SCCPDH: variants seen among roughly 807,000 people sequenced by gnomAD.
The protein encoded by SCCPDH is saccharopine dehydrogenase (putative).
In SCCPDH, 34 loss-of-function variants were observed where a neutral mutation model predicts 51.5. The observed-to-expected ratio is 0.66, with a 90% confidence interval of 0.50 to 0.88. SCCPDH has a LOEUF of 0.88. Ranked by LOEUF, SCCPDH falls within the 40% of genes least tolerant of loss-of-function variation. The probability of loss-of-function intolerance (pLI) is 0.00; values close to 1 mark genes in which losing one functional copy is unlikely to be tolerated. For missense variants in SCCPDH, 464 were observed against 527.1 expected, an observed-to-expected ratio of 0.88 and a Z score of 1.17; for synonymous variants, 187 against 191.3, an observed-to-expected ratio of 0.98 and a Z score of 0.19.
chr1:246,746,383 AAC>A (rs201974963), intron 5 of SCCPDH, among the ~76,000 whole-genome samples: 148 of 152,310 alleles, frequency 9.7e-4, no homozygotes, highest in African/African-American at 3.5e-3. Flanking sequence ...ATCTATAGAT[AAC>A]ACAACCGGTC....
intron 1 of SCCPDH, among the ~76,000 whole-genome samples, chr1:246,725,825 G>C (rs926911114): frequency 1.3e-5 from 2 of 152,144 alleles, no homozygotes; most frequent in Non-Finnish European, 2.9e-5. Context: ...ATTGTGGGGG[G>C]ATATACCTTC....
At chr1:246,739,238 C>A (rs1668642927) in intron 3 of SCCPDH, among the ~76,000 whole-genome samples, 2 of 152,158 alleles carry the variant, frequency 1.3e-5, no homozygotes, top group African/African-American at 4.8e-5. Context: ...TCAGCATTAA[C>A]CCTGGTAAAT....
intron 5 of SCCPDH, among the ~76,000 whole-genome samples, chr1:246,752,575 T>C (rs1265172193): frequency 1.3e-5 from 2 of 152,228 alleles, no homozygotes; most frequent in African/African-American, 2.4e-5. Flanking sequence ...TTTAAAGGAA[T>C]AGGGTATTGC....
rs1572307099 is a variant in SCCPDH at position 246,760,347 on chromosome 1, G to C, written c.990+120G>C. On this transcript the variant is annotated intron_variant, in intron 9 of 11. Coordinates refer to ENST00000366510, the MANE Select transcript of SCCPDH (RefSeq NM_016002.3). ...TCTTTTAAGTTCTTTATGTAAATTA[G>C]ATTATTCAATCTTTTCAAACACCCC... 4 of 818,802 alleles carry C rather than the reference G, an allele frequency of 4.9e-6. No individual in the cohort carries two copies. In the East Asian group the frequency reaches 1.1e-4, roughly 22 times the overall value. The allele number at this position is 818,802 out of a possible 1,614,324, so 50.7% of individuals were successfully genotyped here.
At chr1:246,760,135 A>G (rs1668989078) in intron 8 of SCCPDH, 36 bp from the exon 9 acceptor site, 1 of 1,595,874 alleles carries the variant, frequency 6.3e-7, no homozygotes, top group African/African-American at 1.4e-5. Context: ...CATGAGTTTT[A>G]AAAAAATATC....
In SCCPDH at chr1:246,764,293, C is replaced by G. The variant is rs550596589; in HGVS notation, c.1038C>G (p.Ser346Arg). The stretch of plus-strand genomic sequence containing the variant: ...TGACATTCTTTGGTCAAGGATACAG[C>G]CAAGGCACTGGTACAGATAAGAACA... ...FTLTFFGQGY[S>R]QGTGTDKNKP... Residue 346 changes from serine to arginine, a missense_variant, in exon 10 of 12, where the codon AGC (serine) becomes AGG (arginine). By Grantham distance (110) the Ser-to-Arg change is moderately radical. Coordinates refer to ENST00000366510, the MANE Select transcript of SCCPDH (RefSeq NM_016002.3). The G allele has an allele frequency of 1.2e-6, 2 of 1,613,880 alleles. No homozygotes were observed. The highest frequency in any genetic ancestry group is 1.7e-5 in the Admixed American group (1 of 59,972).
At chr1:246,732,461 C>G (rs1320478872) in intron 2 of SCCPDH, among the ~76,000 whole-genome samples, 10 of 151,818 alleles carry the variant, frequency 6.6e-5, no homozygotes, top group Admixed American at 6.6e-4. Flanking sequence ...GATCTAGGCT[C>G]ACTGCAACCT....
chr1:246,765,807 A>G (rs1186692786), intron 10 of SCCPDH, among the ~76,000 whole-genome samples: 1 of 152,196 alleles, frequency 6.6e-6, no homozygotes, highest in Non-Finnish European at 1.5e-5. Context: ...TCTCTATGGG[A>G]TAAAAGTAAT....
intron 11 of SCCPDH, among the ~76,000 whole-genome samples, chr1:246,766,397 A>T (rs1025008797): frequency 6.6e-6 from 1 of 152,220 alleles, no homozygotes; most frequent in South Asian, 2.1e-4. Context: ...TCAGCCCTTT[A>T]TAAAGATACC....
Position 246,767,257 on chromosome 1 carries a change from A to C in SCCPDH, c.1247A>C (p.Lys416Thr), listed in dbSNP as rs1196778747. ...ACAAAGTTGATTGACAGACTCAACA[A>C]ACACGGTATTGAGTTTAGTGTTATT... ...SKTKLIDRLNKHGIEFSVISS... is the reference protein window; with the variant it reads ...SKTKLIDRLNTHGIEFSVISS... The change falls in exon 12 of 12, where the codon AAA (lysine) becomes ACA (threonine). Residue 416 changes from lysine (K) to threonine (T), a missense_variant. Coordinates refer to ENST00000366510, the MANE Select transcript of SCCPDH (RefSeq NM_016002.3). The C allele has an allele frequency of 6.2e-7, 1 of 1,611,756 alleles. No homozygotes were observed. Among genetic ancestry groups the C allele is most frequent in the Admixed American group, 1.7e-5 (1 of 59,724 alleles).
chr1:246,767,352 T>C lies in SCCPDH; in HGVS notation c.*52T>C, dbSNP rs1384877350. 1 of 1,023,864 alleles carries C rather than the reference T, an allele frequency of 9.8e-7. No individual in the cohort carries two copies. 63.4% of individuals were successfully genotyped at this position (1,023,864 alleles called of 1,614,324 possible). On this transcript the variant is annotated 3_prime_UTR_variant, in exon 12 of 12. Coordinates refer to ENST00000366510, the MANE Select transcript of SCCPDH (RefSeq NM_016002.3). ...AACGTGCGTGAATTAACAGCTTCTC[T>C]ATTTGATATTTGAAATTCTTCTGTA...
intron 9 of SCCPDH, 131 bp downstream of exon 9, chr1:246,760,358 C>G: frequency 1.4e-6 from 1 of 730,660 alleles, no homozygotes; most frequent in East Asian, 2.8e-5. Flanking sequence ...ATTATTCAAT[C>G]TTTTCAAACA....
intron 3 of SCCPDH, among the ~76,000 whole-genome samples, chr1:246,736,691 A>C (rs1668596986): frequency 6.6e-6 from 1 of 152,076 alleles, no homozygotes; most frequent in South Asian, 2.1e-4. Context: ...ACAGAGCGAG[A>C]GCGAGACTCT....
intron 3 of SCCPDH, 63 bp from the exon 4 acceptor site, chr1:246,740,107 ATT>A: frequency 7.8e-7 from 1 of 1,280,766 alleles, no homozygotes; most frequent in South Asian, 1.7e-5. Flanking sequence ...TTAAAGATAA[ATT>A]ATTTAATACT....
At chr1:246,727,933 G>C (rs1668427258) in intron 2 of SCCPDH, among the ~76,000 whole-genome samples, 1 of 152,156 alleles carries the variant, frequency 6.6e-6, no homozygotes, top group Non-Finnish European at 1.5e-5. Flanking sequence ...ATGGTTGAAA[G>C]GAAGGGCTTC....
intron 5 of SCCPDH, 76 bp from the exon 6 acceptor site, chr1:246,758,150 C>T: frequency 9.4e-7 from 1 of 1,067,244 alleles, no homozygotes. Context: ...TTGTTTGTAA[C>T]AATGATAAGT....
intron 5 of SCCPDH, among the ~76,000 whole-genome samples, chr1:246,757,227 C>T (rs953298387): frequency 1.3e-5 from 2 of 151,546 alleles, no homozygotes; most frequent in African/African-American, 2.4e-5. Context: ...ACCTGTAATC[C>T]CAGCTACTCG....
chr1:246,756,007 G>C (rs1668925363), intron 5 of SCCPDH, among the ~76,000 whole-genome samples: 2 of 152,194 alleles, frequency 1.3e-5, no homozygotes, highest in Admixed American at 1.3e-4. Flanking sequence ...GATGGATTGT[G>C]GATGCCCTCA....
chr1:246,762,023 T>G (rs1000101289), intron 9 of SCCPDH, among the ~76,000 whole-genome samples: 4 of 152,156 alleles, frequency 2.6e-5, no homozygotes, highest in Non-Finnish European at 5.9e-5. Flanking sequence ...TATACGAGAG[T>G]TCCAGTTTCT....
Sources: allele counts gnomAD v4.1 joint callset (sites outside exome capture counted in the v4.1 genomes callset), GRCh38; gene constraint gnomAD v4.1.1; transcripts MANE v1.5; gene names NCBI Gene and HGNC (gene_info 2026-07-23, HGNC 2026-07-21).